The following CHODL variants were observed in gnomAD, a reference collection of about 807,000 sequenced individuals.
The protein encoded by CHODL is transmembrane protein MT75.
Under a neutral mutation model 34.5 loss-of-function variants are expected in CHODL, and 29 were observed. That is an observed-to-expected ratio of 0.84 (90% CI 0.63 to 1.15). The LOEUF is 1.15. Among genes scored for constraint, CHODL ranks in the 50% most tolerant of loss-of-function variants. The probability of loss-of-function intolerance (pLI) is 0.00; values close to 1 mark genes in which losing one functional copy is unlikely to be tolerated. For synonymous variants in CHODL, 125 were observed against 116.1 expected, an observed-to-expected ratio of 1.08 and a Z score of -0.49; for missense variants, 332 against 332.5, an observed-to-expected ratio of 1.00 and a Z score of 0.01.
At chr21:18,264,795 A>C (rs1274257923) in intron 5 of CHODL, among the ~76,000 whole-genome samples, 1 of 151,940 alleles carries the variant, frequency 6.6e-6, no homozygotes, top group African/African-American at 2.4e-5. Context: ...ATCTGGAGGA[A>C]CTCAGAAACT....
intron 1 of CHODL, among the ~76,000 whole-genome samples, chr21:18,016,578 C>G (rs1212381543): frequency 6.6e-6 from 1 of 152,202 alleles, no homozygotes; most frequent in Admixed American, 6.5e-5. Context: ...CATGGAGGAC[C>G]TGTACTTGGG....
chr21:17,926,375 GGT>G (rs200810397), intron 1 of CHODL, among the ~76,000 whole-genome samples: 767 of 60,514 alleles, frequency 0.013, 5 homozygotes, highest in South Asian at 0.076. Flanking sequence ...AAATAAGGTG[GGT>G]TTTTTTTTTT....
rs576414684 is a variant in CHODL, at chr21:18,265,671, G to A, written c.738-283G>A. 5.9e-5 allele frequency among the ~76,000 whole-genome samples: 9 copies of A among 152,148 alleles called. No individual in the cohort carries two copies. The East Asian group carries it at 1.7e-3, about 29-fold the overall frequency. On this transcript the variant is annotated intron_variant, in intron 5 of 5. Coordinates refer to ENST00000299295, the MANE Select transcript of CHODL (RefSeq NM_024944.3). Reference sequence around the variant, plus strand: ...ACCACCCGTTCCCCCATAACCTATGGAAATAAAAAATTAAAATAACAACAG... The same window carrying A: ...ACCACCCGTTCCCCCATAACCTATGAAAATAAAAAATTAAAATAACAACAG...
At chr21:18,236,606 C>T (rs1430074929) in intron 2 of CHODL, among the ~76,000 whole-genome samples, 1 of 151,924 alleles carries the variant, frequency 6.6e-6, no homozygotes, top group Non-Finnish European at 1.5e-5. Context: ...TAGGTTTTAC[C>T]TCAACACCAC....
At chr21:17,955,971 A>G (rs1012039774) in intron 1 of CHODL, among the ~76,000 whole-genome samples, 1 of 137,326 alleles carries the variant, frequency 7.3e-6, no homozygotes, top group Non-Finnish European at 1.7e-5. Flanking sequence ...ATCCCGGAAG[A>G]AAAAGATTTT....
chr21:18,079,205 A>G (rs933118958), intron 2 of CHODL, among the ~76,000 whole-genome samples: 2 of 151,974 alleles, frequency 1.3e-5, no homozygotes, highest in Admixed American at 6.6e-5. Context: ...GCTCCCATTT[A>G]TAAGTGAGAA....
intron 2 of CHODL, among the ~76,000 whole-genome samples, chr21:18,114,131 A>T (rs1278659136): frequency 1.3e-5 from 2 of 152,232 alleles, no homozygotes; most frequent in African/African-American, 4.8e-5. Flanking sequence ...GATGGTTACC[A>T]GATGCTGGGA....
At chr21:17,918,928 C>A (rs1200581672) in intron 1 of CHODL, among the ~76,000 whole-genome samples, 1 of 152,238 alleles carries the variant, frequency 6.6e-6, no homozygotes, top group East Asian at 1.9e-4. Context: ...AGGCCCCGTG[C>A]AAATCAGAAA....
intron 2 of CHODL, among the ~76,000 whole-genome samples, chr21:18,029,444 G>A (rs916043855): frequency 3.3e-5 from 5 of 152,132 alleles, no homozygotes; most frequent in African/African-American, 9.7e-5. Context: ...GAGTTTCACT[G>A]AAGATAGATG....
intron 2 of CHODL, among the ~76,000 whole-genome samples, chr21:18,047,613 C>A (rs764685343): frequency 6.6e-6 from 1 of 151,862 alleles, no homozygotes; most frequent in Non-Finnish European, 1.5e-5. Context: ...CCACATTCAC[C>A]GTTGCAATAA....
At chr21:17,934,630 T>C (rs2063304904) in intron 1 of CHODL, among the ~76,000 whole-genome samples, 1 of 152,172 alleles carries the variant, frequency 6.6e-6, no homozygotes, top group South Asian at 2.1e-4. Context: ...GTTGCATATT[T>C]TTTGGTCCCT....
intron 1 of CHODL, among the ~76,000 whole-genome samples, chr21:17,972,341 G>A (rs1245307036): frequency 6.6e-6 from 1 of 152,150 alleles, no homozygotes. Flanking sequence ...AGGAAAAGAG[G>A]AAGTCAAATT....
At chr21:17,952,166 C>A in intron 1 of CHODL, among the ~76,000 whole-genome samples, 2 of 112,132 alleles carry the variant, frequency 1.8e-5, no homozygotes, top group African/African-American at 3.6e-5. Context: ...TTCAGTGAGC[C>A]ATGATTGTGC....
At chr21:18,004,671 C>T (rs1466297904) in intron 1 of CHODL, among the ~76,000 whole-genome samples, 2 of 152,136 alleles carry the variant, frequency 1.3e-5, no homozygotes, top group Admixed American at 1.3e-4. Flanking sequence ...TTTTTTCTCA[C>T]AAAGCTCATG....
intron 2 of CHODL, among the ~76,000 whole-genome samples, chr21:18,158,893 T>A (rs934037391): frequency 6.6e-6 from 1 of 151,936 alleles, no homozygotes; most frequent in Admixed American, 6.6e-5. Flanking sequence ...AATGTATATT[T>A]ACTCTTCAAT....
intron 1 of CHODL, among the ~76,000 whole-genome samples, chr21:18,248,961 AT>A (rs1292350198): frequency 5.4e-5 from 6 of 111,312 alleles, no homozygotes; most frequent in African/African-American, 2.6e-4. Context: ...TATATGTAAT[AT>A]ATACATATAT....
intron 1 of CHODL, among the ~76,000 whole-genome samples, chr21:18,009,521 A>C (rs2063991484): frequency 6.6e-6 from 1 of 152,266 alleles, no homozygotes; most frequent in Non-Finnish European, 1.5e-5. Flanking sequence ...TAAAATGAGG[A>C]TAATGTTAAA....
chr21:18,189,883 C>A lies in CHODL; in HGVS notation c.-44-66626C>A, dbSNP rs190081132. The stretch of plus-strand genomic sequence containing the variant: ...CTTGTGACCTCAGAAGATCTGCCCA[C>A]CTTGGCCTCCCAAAGTGCTGGGATT... On this transcript the variant is annotated intron_variant, in intron 2 of 6. Coordinates refer to the CHODL transcript ENST00000400127. Among the ~76,000 whole-genome samples, 64 of 152,096 alleles carry A rather than the reference C, an allele frequency of 4.2e-4. 1 individual carries two copies. In the East Asian group the frequency reaches 0.011, roughly 25 times the overall value.
rs1244807333 is a variant in CHODL at position 18,140,219 on chromosome 21, C to A, written c.-45+112248C>A. Among the ~76,000 whole-genome samples, 8 of 152,128 alleles carry A rather than the reference C, an allele frequency of 5.3e-5. No homozygotes were observed. The East Asian group carries it at 1.5e-3, about 29-fold the overall frequency. On this transcript the variant is annotated intron_variant, in intron 2 of 6. Transcript: ENST00000400127. ...AATTTGAAAACGTGGATAATTTGCT[C>A]CTTGACCTTTGGACAATTTACTTAA...
Sources: allele counts gnomAD v4.1 joint callset (sites outside exome capture counted in the v4.1 genomes callset), GRCh38; gene constraint gnomAD v4.1.1; transcripts MANE v1.5; gene names NCBI Gene and HGNC (gene_info 2026-07-23, HGNC 2026-07-21).